KCNQ2: variants seen among roughly 807,000 people sequenced by gnomAD.
KCNQ2 encodes the protein potassium voltage-gated channel subfamily KQT member 2.
Under a neutral mutation model 84.8 loss-of-function variants are expected in KCNQ2, and 14 were observed. That is an observed-to-expected ratio of 0.17 (90% CI 0.11 to 0.26). The LOEUF (loss-of-function observed/expected upper bound fraction) is 0.26, where lower values mean the gene tolerates loss of function less well. Ranked by LOEUF, KCNQ2 falls within the 10% of genes least tolerant of loss-of-function variation. The probability of loss-of-function intolerance (pLI) is 1.00; values close to 1 mark genes in which losing one functional copy is unlikely to be tolerated. For missense variants in KCNQ2, 788 were observed against 1,254.0 expected (o/e 0.63, Z 5.61); for synonymous variants, 599 against 554.1 (o/e 1.08, Z -1.14).
chr20:63,438,831 C>T lies in KCNQ2; in HGVS notation c.928-111G>A. 1.3e-6 allele frequency: 1 copy of T among 781,556 alleles called. No homozygotes were observed. The highest frequency in any genetic ancestry group is 1.8e-5 in the African/African-American group (1 of 55,478). The allele number at this position is 781,556 out of a possible 1,614,324, so 48.4% of individuals were successfully genotyped here. On this transcript the variant is annotated intron_variant, in intron 6 of 16. Coordinates refer to ENST00000359125, the MANE Select transcript of KCNQ2 (RefSeq NM_172107.4). This position sits in a 1 kb window ranked among gnomAD's most constrained non-coding sequence, Gnocchi z 5.1. Reference sequence around the variant, plus strand: ...CCCCCCCCAATTCATCAGGGTCAGACCACACTCCAGAGACTCACACACCCC... The same window carrying T: ...CCCCCCCCAATTCATCAGGGTCAGATCACACTCCAGAGACTCACACACCCC...
rs773171451 is a variant in KCNQ2 at position 63,413,535 on chromosome 20, G to T, written c.1678C>A (p.Arg560=). Residue 560 remains arginine, a synonymous_variant, in exon 15 of 17, where the codon CGG becomes AGG. Coordinates refer to ENST00000359125, the MANE Select transcript of KCNQ2 (RefSeq NM_172107.4). ...VSKRKFKESL[R]PYDVMDVIEQ... ...ATGACGTCCATCACGTCGTAGGGCC[G>T]CAGGCTCTCCTTGAACTTCCGCTTG... is the stretch of plus-strand genomic sequence containing the variant. The T allele has an allele frequency of 1.9e-6, 3 of 1,613,396 alleles. No homozygotes were observed. The highest frequency in any genetic ancestry group is 3.3e-5 in the Admixed American group (2 of 60,032).
rs1034750440 is a variant in KCNQ2 at position 63,407,489 on chromosome 20, C to T, written c.1888-114G>A. 1.8e-6 allele frequency: 2 copies of T among 1,136,742 alleles called. No homozygotes were observed. Among genetic ancestry groups the T allele is most frequent in the Non-Finnish European group, 2.5e-6 (2 of 802,848 alleles). The allele number at this position is 1,136,742 out of a possible 1,614,324, so 70.4% of individuals were successfully genotyped here. A position where few individuals can be genotyped will look rare whatever the true frequency, so the allele number is the denominator to read the frequency against. On this transcript the variant is annotated intron_variant, in intron 16 of 16. Transcript: ENST00000359125. This position sits in a 1 kb window ranked among gnomAD's most constrained non-coding sequence, Gnocchi z 7.2. The stretch of plus-strand genomic sequence containing the variant: ...GGCTGGTTCCAGGAAACAGGAGAGA[C>T]CCAGGCTAGTCCCAGGAAACGGGGG...
At chr20:63,419,485 A>G in intron 12 of KCNQ2, 134 bp downstream of exon 12, 1 of 848,440 alleles carries the variant, frequency 1.2e-6, no homozygotes, top group Non-Finnish European at 1.9e-6. Context: ...CTGAGCCCGC[A>G]CCGCCAGGGC....
At chr20:63,430,956 C>T (rs531670284) in intron 9 of KCNQ2, among the ~76,000 whole-genome samples, 1 of 152,200 alleles carries the variant, frequency 6.6e-6, no homozygotes, top group South Asian at 2.1e-4. Flanking sequence ...CATTCCTGCT[C>T]TGCTCACAGA....
At chr20:63,412,745 T>C (rs1479878007) in intron 15 of KCNQ2, among the ~76,000 whole-genome samples, 3 of 152,162 alleles carry the variant, frequency 2.0e-5, no homozygotes, top group Non-Finnish European at 2.9e-5. Flanking sequence ...ACAGCCTTGG[T>C]TGGGGGGCCT....
rs1175934343 is a variant in KCNQ2, at chr20:63,472,622, G to A, written c.-159C>T. ...GGCTTGGGCCGCGCGCGGAGACGCT[G>A]CGGCCACCTCGCTCCGCGCGCACCT... On this transcript the variant is annotated 5_prime_UTR_variant, in exon 1 of 17. Transcript: ENST00000359125. 2 of 395,668 alleles carry A rather than the reference G, an allele frequency of 5.1e-6. No individual in the cohort carries two copies. Among genetic ancestry groups the A allele is most frequent in the East Asian group, 2.3e-4 (2 of 8,834 alleles). The allele number at this position is 395,668 out of a possible 1,614,324, so 24.5% of individuals were successfully genotyped here. A position where few individuals can be genotyped will look rare whatever the true frequency, so the allele number is the denominator to read the frequency against.
At chr20:63,464,575 A>C (rs530018133) in intron 1 of KCNQ2, among the ~76,000 whole-genome samples, 6 of 152,180 alleles carry the variant, frequency 3.9e-5, no homozygotes, top group Non-Finnish European at 8.8e-5. Flanking sequence ...GGGGCCGCCT[A>C]ACCCCACAGG....
rs74394966 is a variant in KCNQ2 at position 63,425,956 on chromosome 20, C to G, written c.1218-1750G>C. ...ATGACAGAGGGGCCGCCGGCCACCA[C>G]GTTTCCAATCCGGCGGGGCAAACTC... On this transcript the variant is annotated intron_variant, in intron 10 of 16. Coordinates refer to ENST00000359125, the MANE Select transcript of KCNQ2 (RefSeq NM_172107.4). This position sits in a 1 kb window ranked among gnomAD's most constrained non-coding sequence, Gnocchi z 5.5. Among the ~76,000 whole-genome samples the G allele has an allele frequency of 3.4e-4, 52 of 152,316 alleles. No homozygotes were observed. The East Asian group carries it at 9.7e-3, about 28-fold the overall frequency.
rs929104988 is a variant in KCNQ2 at position 63,400,366 on chromosome 20, G to A, written c.*6278C>T. 8 of 365,820 alleles carry A rather than the reference G, an allele frequency of 2.2e-5. No individual in the cohort carries two copies. Among genetic ancestry groups the A allele is most frequent in the Admixed American group, 4.6e-5 (1 of 21,554 alleles). The allele number at this position is 365,820 out of a possible 1,614,324, so 22.7% of individuals were successfully genotyped here. On this transcript the variant is annotated 3_prime_UTR_variant, in exon 17 of 17. Coordinates refer to ENST00000359125, the MANE Select transcript of KCNQ2 (RefSeq NM_172107.4). The surrounding 1 kb of genome is among the most constrained non-coding windows in gnomAD (Gnocchi z 8.7). ...CAAACCCGCACTGGCGCATTCTTACGGCTCTGGCATCAACCTGTCCGTGTG... is the reference window on the plus strand; with the variant it reads ...CAAACCCGCACTGGCGCATTCTTACAGCTCTGGCATCAACCTGTCCGTGTG...
intron 1 of KCNQ2, among the ~76,000 whole-genome samples, chr20:63,451,499 G>A (rs1280098296): frequency 6.6e-6 from 1 of 152,100 alleles, no homozygotes; most frequent in Admixed American, 6.6e-5. Context: ...CGTAGCTCGT[G>A]GCTTTTGTGA....
rs779076192 is a variant in KCNQ2, at chr20:63,445,288, C to T, written c.464G>A (p.Arg155His). 2 of 1,613,890 alleles carry T rather than the reference C, an allele frequency of 1.2e-6. No individual in the cohort carries two copies. The highest frequency in any genetic ancestry group is 2.2e-5 in the East Asian group (1 of 44,888). Residue 155 changes from arginine to histidine, a missense_variant, in exon 3 of 17, where the codon CGT becomes CAT. Transcript: ENST00000359125. ...IWAAGCCCRY[R>H]GWRGRLKFAR... ...AAACTTGAGCCGCCCCCTCCAGCCA[C>T]GGTACCGGCAGCAGCAGCCTGCGGC...
chr20:63,467,641 C>T (rs73918934), intron 1 of KCNQ2, among the ~76,000 whole-genome samples: 18 of 152,186 alleles, frequency 1.2e-4, no homozygotes, highest in Non-Finnish European at 1.8e-4. Flanking sequence ...CAGGGACTAA[C>T]GGAGATCCAT....
rs886167240 is a variant in KCNQ2, at chr20:63,466,250, C to A, written c.296+5918G>T. Among the ~76,000 whole-genome samples the A allele has an allele frequency of 2.0e-4, 31 of 152,242 alleles. No individual in the cohort carries two copies. In the South Asian group the frequency reaches 2.3e-3, roughly 11 times the overall value. On this transcript the variant is annotated intron_variant, in intron 1 of 16. Coordinates refer to ENST00000359125, the MANE Select transcript of KCNQ2 (RefSeq NM_172107.4). The stretch of plus-strand genomic sequence containing the variant: ...GACAAACAGGCAAGCTTCCCACGCT[C>A]GAGCCCGGGCCCCGCGCTTCAACCC...
In KCNQ2 at chr20:63,428,454, A is replaced by T. The variant is rs1290682312; in HGVS notation, c.1149-19T>A. The T allele has an allele frequency of 6.3e-6, 10 of 1,576,806 alleles. No homozygotes were observed. The highest frequency in any genetic ancestry group is 8.6e-6 in the Non-Finnish European group (10 of 1,160,034). On this transcript the variant is annotated intron_variant, in intron 9 of 16. Coordinates refer to ENST00000359125, the MANE Select transcript of KCNQ2 (RefSeq NM_172107.4). ...GATAAGTCTGGGGCAAGAGAAGGAG[A>T]GGGGAGTGAGCGTCTCACCCTCCCG...
At position 63,414,033 on chromosome 20, in the gene KCNQ2, C is replaced by T. The variant is rs923757583; in HGVS notation, c.1631+55G>A. The T allele has an allele frequency of 1.6e-5, 22 of 1,337,212 alleles. No homozygotes were observed. The highest frequency in any genetic ancestry group is 8.4e-5 in the Admixed American group (5 of 59,410). 82.8% of individuals were successfully genotyped at this position (1,337,212 alleles called of 1,614,324 possible). On this transcript the variant is annotated intron_variant, in intron 14 of 16. Coordinates refer to ENST00000359125, the MANE Select transcript of KCNQ2 (RefSeq NM_172107.4). This position sits in a 1 kb window ranked among gnomAD's most constrained non-coding sequence, Gnocchi z 6.6. ...GAGCACCGGCAGCAGGCAGGACCACCGAGCGGGAGGCCCCTCCTCACTCCC... is the reference window on the plus strand; with the variant it reads ...GAGCACCGGCAGCAGGCAGGACCACTGAGCGGGAGGCCCCTCCTCACTCCC...
intron 4 of KCNQ2, 45 bp from the exon 5 acceptor site, chr20:63,442,576 GCAT>G: frequency 6.3e-7 from 1 of 1,588,594 alleles, no homozygotes; most frequent in Non-Finnish European, 8.6e-7. Flanking sequence ...ATCACCAGAA[GCAT>G]CACCATCACC....
chr20:63,435,010 C>G (rs1399615980), intron 7 of KCNQ2, among the ~76,000 whole-genome samples: 1 of 152,164 alleles, frequency 6.6e-6, no homozygotes, highest in Non-Finnish European at 1.5e-5. Context: ...GAGAAACAAC[C>G]GAACTGCTTT....
In KCNQ2 at chr20:63,460,194, G is replaced by A. The variant is rs746854564; in HGVS notation, c.296+11974C>T. 1 of 152,430 alleles carries A rather than the reference G, an allele frequency of 6.6e-6. No individual in the cohort carries two copies. Among genetic ancestry groups the A allele is most frequent in the Non-Finnish European group, 1.5e-5 (1 of 68,282 alleles). 9.4% of individuals were successfully genotyped at this position (152,430 alleles called of 1,614,324 possible). ...TGGGGACCCCTGCTTGGCCTGGCCT[G>A]GGCTCCTGACCCTGCAGGTCCCTCC... On this transcript the variant is annotated intron_variant, in intron 1 of 16. Coordinates refer to ENST00000359125, the MANE Select transcript of KCNQ2 (RefSeq NM_172107.4). The surrounding 1 kb of genome is among the most constrained non-coding windows in gnomAD (Gnocchi z 5.4).
At chr20:63,459,267 G>C (rs2081889006) in intron 1 of KCNQ2, 1 of 152,308 alleles carries the variant, frequency 6.6e-6, no homozygotes, top group African/African-American at 2.4e-5. Flanking sequence ...TGTACTCCCA[G>C]AGCTTGGCGA....
Sources: allele counts gnomAD v4.1 joint callset (sites outside exome capture counted in the v4.1 genomes callset), GRCh38; gene constraint gnomAD v4.1.1; non-coding constraint Gnocchi (gnomAD v3.1); transcripts MANE v1.5; gene names NCBI Gene and HGNC (gene_info 2026-07-23, HGNC 2026-07-21).